Variants in HIC2 observed in about 807,000 individuals in gnomAD.
HIC2 encodes the protein HIC ZBTB transcriptional repressor 2.
HIC2 carries 2 observed loss-of-function variants against 39.5 expected under a neutral mutation model. The ratio of observed to expected loss-of-function variants is 0.05; its 90% confidence interval spans 0.02 to 0.16. The LOEUF (loss-of-function observed/expected upper bound fraction) is 0.16, where lower values mean the gene tolerates loss of function less well. Among genes scored for constraint, HIC2 ranks in the 10% least tolerant of loss-of-function variants. The pLI, the probability that HIC2 is intolerant of heterozygous loss-of-function variation, is 1.00. For synonymous variants in HIC2, 399 were observed against 368.8 expected, an observed-to-expected ratio of 1.08 and a Z score of -0.94; for missense variants, 713 against 863.5, an observed-to-expected ratio of 0.83 and a Z score of 2.18.
In HIC2 at chr22:21,446,106, A is replaced by G. The variant is rs1294294214; in HGVS notation, c.1211A>G (p.Asp404Gly). 6.8e-6 allele frequency: 11 copies of G among 1,608,186 alleles called. No individual in the cohort carries two copies. The highest frequency in any genetic ancestry group is 9.3e-6 in the Non-Finnish European group (11 of 1,179,830). Residue 404 changes from aspartate (D) to glycine (G), a missense_variant, in exon 3 of 3, where the codon GAT (aspartate) becomes GGT (glycine). Asp to Gly is a moderately conservative substitution (Grantham distance 94). Around this residue, in one of 5 missense-constraint regions of HIC2, gnomAD observed 457 missense variants for 420.2 expected, o/e 1.09. Transcript: ENST00000407464. The part of the protein sequence containing the change: ...PCKEEEENGK[D>G]ASEDSAQSGS... ...AAGGAGGAGGAGGAGAACGGCAAGGATGCAAGTGAAGACAGTGCGCAGAGC... is the reference window on the plus strand; with the variant it reads ...AAGGAGGAGGAGGAGAACGGCAAGGGTGCAAGTGAAGACAGTGCGCAGAGC...
intron 1 of HIC2, among the ~76,000 whole-genome samples, chr22:21,438,098 C>T (rs1358989238): frequency 2.6e-5 from 4 of 151,614 alleles, no homozygotes; most frequent in Non-Finnish European, 4.4e-5. Context: ...CTTGGGGTGG[C>T]GCCCTTTCCT....
Position 21,446,045 on chromosome 22 carries a change from C to T in HIC2, c.1150C>T (p.Pro384Ser). ...PNGILASGAG[P>S]SGPYGEPPYP... is the part of the protein sequence containing the mutation. Reference sequence around the variant, plus strand: ...TGGCATCCTGGCTAGTGGGGCTGGCCCTAGCGGGCCCTATGGGGAGCCCCC... The same window carrying T: ...TGGCATCCTGGCTAGTGGGGCTGGCTCTAGCGGGCCCTATGGGGAGCCCCC... Residue 384 changes from proline (P) to serine (S), a missense_variant, in exon 3 of 3, where the codon CCT becomes TCT. By Grantham distance (74) the Pro-to-Ser change is moderately conservative. Around this residue, in one of 5 missense-constraint regions of HIC2, gnomAD observed 457 missense variants for 420.2 expected, o/e 1.09. Coordinates refer to ENST00000407464, the MANE Select transcript of HIC2 (RefSeq NM_015094.3). The T allele has an allele frequency of 6.2e-7, 1 of 1,600,652 alleles. No homozygotes were observed.
chr22:21,446,157 C>G lies in HIC2; in HGVS notation c.1262C>G (p.Ala421Gly), dbSNP rs768273357. Reference protein sequence around the residue: ...QSGSEGGSGHASAHYMYRQEG... With the variant: ...QSGSEGGSGHGSAHYMYRQEG... ...GGGAGCGAGGGGGGCAGCGGCCATGCCAGCGCCCACTACATGTACCGGCAG... is the reference window on the plus strand; with the variant it reads ...GGGAGCGAGGGGGGCAGCGGCCATGGCAGCGCCCACTACATGTACCGGCAG... Residue 421 changes from alanine to glycine, a missense_variant, in exon 3 of 3, where the codon GCC becomes GGC. Coordinates refer to ENST00000407464, the MANE Select transcript of HIC2 (RefSeq NM_015094.3). 1.9e-6 allele frequency: 3 copies of G among 1,609,210 alleles called. No homozygotes were observed. Among genetic ancestry groups the G allele is most frequent in the Non-Finnish European group, 2.5e-6 (3 of 1,179,956 alleles).
At position 21,447,683 on chromosome 22, in the gene HIC2, A is replaced by T. The variant is rs1923932440; in HGVS notation, c.*940A>T. 1 of 117,604 alleles carries T rather than the reference A, an allele frequency of 8.5e-6. No homozygotes were observed. Among genetic ancestry groups the T allele is most frequent in the Admixed American group, 1.3e-4 (1 of 7,676 alleles). The allele number at this position is 117,604 out of a possible 1,614,324, so 7.3% of individuals were successfully genotyped here. On this transcript the variant is annotated 3_prime_UTR_variant, in exon 3 of 3. Coordinates refer to ENST00000407464, the MANE Select transcript of HIC2 (RefSeq NM_015094.3). ...GAAAAACCAGTGTAACGTTTATGTG[A>T]CTGTTTGAACTGGAAGGTCTGGGGT...
Position 21,432,040 on chromosome 22 carries a change from A to G in HIC2, c.-73-10719A>G, listed in dbSNP as rs1209869895. Among the ~76,000 whole-genome samples, 76 of 142,128 alleles carry G rather than the reference A, an allele frequency of 5.3e-4. 1 individual carries two copies. Among genetic ancestry groups the G allele is most frequent in the Non-Finnish European group, 1.0e-3 (66 of 65,926 alleles). The allele number at this position is 142,128 out of a possible 152,430, so 93.2% of individuals were successfully genotyped here. ...TTTTTTTTTTTTTCTTTCTTGGAGT[A>G]AAATAACTTGATCCTTGATCTTTGG... is the stretch of plus-strand genomic sequence containing the variant. On this transcript the variant is annotated intron_variant, in intron 1 of 2. Coordinates refer to ENST00000407464, the MANE Select transcript of HIC2 (RefSeq NM_015094.3).
intron 1 of HIC2, among the ~76,000 whole-genome samples, chr22:21,431,819 A>G (rs1163060369): frequency 1.6e-5 from 1 of 63,150 alleles, no homozygotes; most frequent in African/African-American, 5.7e-5. Context: ...CATCTCTACA[A>G]AAAATTTTAA....
rs751324379 is a variant in HIC2 at position 21,445,528 on chromosome 22, G to A, written c.633G>A (p.Val211=). The A allele has an allele frequency of 1.9e-4, 299 of 1,601,296 alleles. No individual in the cohort carries two copies. Among genetic ancestry groups the A allele is most frequent in the Non-Finnish European group, 2.5e-4 (294 of 1,175,498 alleles). The change falls in exon 3 of 3, where the codon GTG becomes GTA. Residue 211 remains valine (V), a synonymous_variant. Coordinates refer to ENST00000407464, the MANE Select transcript of HIC2 (RefSeq NM_015094.3). The stretch of plus-strand genomic sequence containing the variant: ...TTGGTGGCTCTAACCAGGATAGCGT[G>A]CAAGGTCTGGGCCGGGCTGTCTGCC... ...LFLGGSNQDS[V]QGLGRAVCPA... is the part of the protein sequence containing the mutation.
At position 21,446,952 on chromosome 22, in the gene HIC2, G is replaced by A. The variant is rs911873459; in HGVS notation, c.*209G>A. 15 of 704,658 alleles carry A rather than the reference G, an allele frequency of 2.1e-5. No homozygotes were observed. The highest frequency in any genetic ancestry group is 8.6e-5 in the East Asian group (3 of 34,814). The allele number at this position is 704,658 out of a possible 1,614,324, so 43.7% of individuals were successfully genotyped here. A position where few individuals can be genotyped will look rare whatever the true frequency, so the allele number is the denominator to read the frequency against. The stretch of plus-strand genomic sequence containing the variant: ...GGAGGGAAGCCAGGGGTCCCAGCCC[G>A]TCTACCTCCCCATCCCACCCAGGCC... On this transcript the variant is annotated 3_prime_UTR_variant, in exon 3 of 3. Transcript: ENST00000407464.
rs1450367377 is a variant in HIC2, at chr22:21,445,730, G to C, written c.835G>C (p.Gly279Arg). ...AGCCCAGCTGAGCGACAGCCAACATGGCTCGCCCCCTGCGGCCTCTGCTCC... is the reference window on the plus strand; with the variant it reads ...AGCCCAGCTGAGCGACAGCCAACATCGCTCGCCCCCTGCGGCCTCTGCTCC... ...DAAQLSDSQH[G>R]SPPAASAPPV... Residue 279 changes from glycine (G) to arginine (R), a missense_variant, in exon 3 of 3, where the codon GGC becomes CGC. By Grantham distance (125) the Gly-to-Arg change is moderately radical. Transcript: ENST00000407464. 6.2e-7 allele frequency: 1 copy of C among 1,611,392 alleles called. No homozygotes were observed. The highest frequency in any genetic ancestry group is 8.5e-7 in the Non-Finnish European group (1 of 1,179,058).
chr22:21,444,538 C>T (rs181122882), intron 2 of HIC2, among the ~76,000 whole-genome samples: 133 of 152,338 alleles, frequency 8.7e-4, no homozygotes, highest in African/African-American at 3.1e-3. Flanking sequence ...TTAAAGCCAT[C>T]TGGTCATTTT....
At position 21,448,465 on chromosome 22, in the gene HIC2, G is replaced by C. The variant is rs140753237; in HGVS notation, c.*1722G>C. ...GGTCAGACCAAGGTTGCTGATCTCAGTCCCACTGTCTTCAGCCAGCTGAAG... is the reference window on the plus strand; with the variant it reads ...GGTCAGACCAAGGTTGCTGATCTCACTCCCACTGTCTTCAGCCAGCTGAAG... On this transcript the variant is annotated 3_prime_UTR_variant, in exon 3 of 3. Transcript: ENST00000407464. 6.5e-6 allele frequency: 1 copy of C among 152,782 alleles called. No homozygotes were observed. 9.5% of individuals were successfully genotyped at this position (152,782 alleles called of 1,614,324 possible). A position where few individuals can be genotyped will look rare whatever the true frequency, so the allele number is the denominator to read the frequency against.
At position 21,446,500 on chromosome 22, in the gene HIC2, C is replaced by T. The variant is rs1376508229; in HGVS notation, c.1605C>T (p.Cys535=). The T allele has an allele frequency of 3.7e-6, 6 of 1,612,694 alleles. No homozygotes were observed. Among genetic ancestry groups the T allele is most frequent in the African/African-American group, 1.3e-5 (1 of 74,944 alleles). The change falls in exon 3 of 3, where the codon TGC becomes TGT. Residue 535 remains cysteine (C), a synonymous_variant. Transcript: ENST00000407464. ...ACTGGCTGACACGGCCCTTCCCCTG[C>T]AACATCTGTGGCAAAATGTTCACGC... ...KTHWLTRPFP[C]NICGKMFTQR...
intron 1 of HIC2, among the ~76,000 whole-genome samples, chr22:21,421,479 CTGCT>C (rs1259458143): frequency 3.5e-5 from 2 of 57,112 alleles, no homozygotes; most frequent in African/African-American, 1.1e-4. Flanking sequence ...CTCCAAGAAA[CTGCT>C]TGGGACCCTC....
chr22:21,445,105 T>C lies in HIC2; in HGVS notation c.210T>C (p.Tyr70=), dbSNP rs2148341798. Residue 70 remains tyrosine, a synonymous_variant, in exon 3 of 3, where the codon TAT becomes TAC. Transcript: ENST00000407464. ...ACGTCCTAGCCGCCAGCAGCATCTA[T>C]TTCAAGTCCCTGGTCCTGCACGACA... ...HKNVLAASSI[Y]FKSLVLHDNL... is the part of the protein sequence containing the mutation. 6.2e-7 allele frequency: 1 copy of C among 1,614,194 alleles called. No individual in the cohort carries two copies. The highest frequency in any genetic ancestry group is 1.1e-5 in the South Asian group (1 of 91,090).
Position 21,446,302 on chromosome 22 carries a change from G to A in HIC2, c.1407G>A (p.Leu469=), listed in dbSNP as rs1334391354. The change falls in exon 3 of 3, where the codon CTG becomes CTA. Residue 469 remains leucine, a synonymous_variant. Coordinates refer to ENST00000407464, the MANE Select transcript of HIC2 (RefSeq NM_015094.3). The stretch of plus-strand genomic sequence containing the variant: ...TGGAGACTCACACGGAGGAAGAGCT[G>A]TTCATCAAGGAAGAGGGGGCCTACG... ...AHVETHTEEE[L]FIKEEGAYET... The A allele has an allele frequency of 6.2e-7, 1 of 1,613,238 alleles. No individual in the cohort carries two copies. Among genetic ancestry groups the A allele is most frequent in the South Asian group, 1.1e-5 (1 of 91,080 alleles).
rs572157716 is a variant in HIC2, at chr22:21,450,030, A to AG, written c.*3291dup. The AG allele has an allele frequency of 6.5e-6, 1 of 152,880 alleles. No homozygotes were observed. Among genetic ancestry groups the AG allele is most frequent in the Non-Finnish European group, 1.5e-5 (1 of 68,046 alleles). 9.5% of individuals were successfully genotyped at this position (152,880 alleles called of 1,614,324 possible). A position where few individuals can be genotyped will look rare whatever the true frequency, so the allele number is the denominator to read the frequency against. ...CCCTAACCCCACCCCAGGCAGCGGA[A>AG]GGGGCTGACTGGGTCTGGTCCTTAC... is the stretch of plus-strand genomic sequence containing the variant. On this transcript the variant is annotated 3_prime_UTR_variant, in exon 3 of 3. Coordinates refer to ENST00000407464, the MANE Select transcript of HIC2 (RefSeq NM_015094.3).
At position 21,446,922 on chromosome 22, in the gene HIC2, C is replaced by G. The variant is rs576813064; in HGVS notation, c.*179C>G. On this transcript the variant is annotated 3_prime_UTR_variant, in exon 3 of 3. Transcript: ENST00000407464. ...ATGGACAGTCCGTACCAAGCAGAGC[C>G]GAGAGGAGGGAAGCCAGGGGTCCCA... The G allele has an allele frequency of 3.4e-6, 3 of 894,834 alleles. No individual in the cohort carries two copies. The African/African-American group carries it at 5.1e-5, about 15-fold the overall frequency. The allele number at this position is 894,834 out of a possible 1,614,324, so 55.4% of individuals were successfully genotyped here.
chr22:21,446,764 C>T lies in HIC2; in HGVS notation c.*21C>T. On this transcript the variant is annotated 3_prime_UTR_variant, in exon 3 of 3. Transcript: ENST00000407464. Reference sequence around the variant, plus strand: ...CCTAGAAGCCAAAGACCCGCGGGCGCCCTCTGCCACCTTGCTCCCCGGGAA... The same window carrying T: ...CCTAGAAGCCAAAGACCCGCGGGCGTCCTCTGCCACCTTGCTCCCCGGGAA... 6.3e-7 allele frequency: 1 copy of T among 1,578,704 alleles called. No individual in the cohort carries two copies. Among genetic ancestry groups the T allele is most frequent in the Non-Finnish European group, 8.6e-7 (1 of 1,159,176 alleles).
At position 21,445,918 on chromosome 22, in the gene HIC2, G is replaced by C. The variant is rs1923792202; in HGVS notation, c.1023G>C (p.Lys341Asn). 1 of 1,594,872 alleles carries C rather than the reference G, an allele frequency of 6.3e-7. No homozygotes were observed. The highest frequency in any genetic ancestry group is 1.4e-5 in the African/African-American group (1 of 73,936). The change falls in exon 3 of 3, where the codon AAG becomes AAC. Residue 341 changes from lysine to asparagine, a missense_variant. Physicochemically the swap from Lys to Asn is moderately conservative, Grantham distance 94. Coordinates refer to ENST00000407464, the MANE Select transcript of HIC2 (RefSeq NM_015094.3). ...CCACTCGGAAGAAGGAGTGGGGCAA[G>C]AAGGAGCCTGTGGCTGGCTCCCCCT... ...RHSTRKKEWG[K>N]KEPVAGSPFE...
Sources: allele counts gnomAD v4.1 joint callset (sites outside exome capture counted in the v4.1 genomes callset), GRCh38; gene constraint gnomAD v4.1.1; regional missense constraint gnomAD v4.1.1; transcripts MANE v1.5; gene names NCBI Gene and HGNC (gene_info 2026-07-23, HGNC 2026-07-21).